Variants in DHX32 observed in about 807,000 individuals in gnomAD.
DHX32 encodes putative pre-mRNA-splicing factor ATP-dependent RNA helicase DHX32.
In DHX32, 51 loss-of-function variants were observed where a neutral mutation model predicts 70.0. The ratio of observed to expected loss-of-function variants is 0.73; its 90% CI spans 0.58 to 0.92. DHX32 has a LOEUF of 0.92. Among genes scored for constraint, DHX32 ranks in the 40% least tolerant of loss-of-function variants. The pLI is 0.00. For missense variants in DHX32, 762 were observed against 891.8 expected, an observed-to-expected ratio of 0.85 and a Z score of 1.85; for synonymous variants, 310 against 315.3, an observed-to-expected ratio of 0.98 and a Z score of 0.18.
chr10:125,847,936 C>T (rs1239726822), intron 6 of DHX32, among the ~76,000 whole-genome samples: 8 of 152,172 alleles, frequency 5.3e-5, no homozygotes, highest in African/African-American at 1.9e-4. Flanking sequence ...TCGCTTGCCC[C>T]CCACTCACCT....
At chr10:125,859,021 G>GTT (rs574242863) in intron 3 of DHX32, among the ~76,000 whole-genome samples, 28 of 139,600 alleles carry the variant, frequency 2.0e-4, no homozygotes, top group African/African-American at 7.5e-4. Flanking sequence ...TGAGTTAAAG[G>GTT]TTTTTTTTTT....
chr10:125,872,777 G>T (rs1215930101), intron 1 of DHX32, among the ~76,000 whole-genome samples: 1 of 152,178 alleles, frequency 6.6e-6, no homozygotes, highest in Non-Finnish European at 1.5e-5. Context: ...GGCATGCAAG[G>T]TAAGCAATCG....
chr10:125,840,963 G>C lies in DHX32; in HGVS notation c.1577C>G (p.Ala526Gly), dbSNP rs772734640. 3 of 1,609,630 alleles carry C rather than the reference G, an allele frequency of 1.9e-6. No homozygotes were observed. Among genetic ancestry groups the C allele is most frequent in the East Asian group, 4.5e-5 (2 of 44,718 alleles). The change falls in exon 8 of 11, where the codon GCT (alanine) becomes GGT (glycine). Residue 526 changes from alanine (A) to glycine (G), a missense_variant. Ala to Gly is a moderately conservative substitution (Grantham distance 60). Coordinates refer to ENST00000284690, the MANE Select transcript of DHX32 (RefSeq NM_018180.3). ...CCAACAAGTCAAGGCAGCCTCTTCAGCTCCATGTGGCACATGTGAAAAGCA... is the reference window on the plus strand; with the variant it reads ...CCAACAAGTCAAGGCAGCCTCTTCACCTCCATGTGGCACATGTGAAAAGCA... ...PNCFSHVPHG[A>G]EEAALTCWKT...
chr10:125,841,973 T>C (rs1854894164), intron 6 of DHX32, 39 bp from the exon 7 acceptor site: 2 of 1,517,666 alleles, frequency 1.3e-6, no homozygotes, highest in South Asian at 2.7e-5. Context: ...GAGTCTCATA[T>C]GGCTAAGATG....
chr10:125,849,149 C>T (rs1420513788), intron 6 of DHX32, among the ~76,000 whole-genome samples: 1 of 152,206 alleles, frequency 6.6e-6, no homozygotes, highest in Non-Finnish European at 1.5e-5. Context: ...TGTCTGAATT[C>T]ATCGCAAAAT....
chr10:125,892,948 C>G (rs139528939), intron 1 of DHX32, among the ~76,000 whole-genome samples: 2 of 152,064 alleles, frequency 1.3e-5, no homozygotes, highest in East Asian at 3.9e-4. Context: ...CTATTATTAC[C>G]CTACTTAAAT....
chr10:125,849,145 A>T (rs1160574810), intron 6 of DHX32, among the ~76,000 whole-genome samples: 1 of 152,220 alleles, frequency 6.6e-6, no homozygotes, highest in Non-Finnish European at 1.5e-5. Flanking sequence ...AGTTTGTCTG[A>T]ATTCATCGCA....
intron 3 of DHX32, among the ~76,000 whole-genome samples, chr10:125,857,333 C>A (rs2134050948): frequency 6.6e-6 from 1 of 152,306 alleles, no homozygotes; most frequent in South Asian, 2.1e-4. Context: ...ACCTGGTGCC[C>A]AGGTAAAGTC....
chr10:125,838,933 T>C lies in DHX32; in HGVS notation c.1881+68A>G, dbSNP rs889426999. ...TCAAAATCATCATCCTAAGCCATTG[T>C]TGGCAGCATATCCTGAGTATGTGCA... On this transcript the variant is annotated intron_variant, in intron 9 of 10. Transcript: ENST00000284690. The C allele has an allele frequency of 2.4e-5, 35 of 1,470,104 alleles. No homozygotes were observed. In the African/African-American group the frequency reaches 4.4e-4, roughly 18 times the overall value. 91.1% of individuals were successfully genotyped at this position (1,470,104 alleles called of 1,614,324 possible).
chr10:125,869,559 G>C (rs1451347742), intron 1 of DHX32: 1 of 151,348 alleles, frequency 6.6e-6, no homozygotes, highest in Non-Finnish European at 1.5e-5. Context: ...CTGGGCGACA[G>C]AGTGAGACTC....
At chr10:125,887,707 C>T (rs144962656) in intron 1 of DHX32, among the ~76,000 whole-genome samples, 2,489 of 152,148 alleles carry the variant, frequency 0.016, 32 homozygotes, top group South Asian at 0.033. Flanking sequence ...CTCCTGGGCT[C>T]AAGTGATCCT....
rs916289244 is a variant in DHX32, at chr10:125,859,705, A to G, written c.747T>C (p.Ser249=). Residue 249 remains serine (S), a synonymous_variant, in exon 3 of 11, where the codon AGT becomes AGC. Coordinates refer to ENST00000284690, the MANE Select transcript of DHX32 (RefSeq NM_018180.3). ...NKHPVEVVYL[S]EAQKDSFESI... Reference sequence around the variant, plus strand: ...ACTCAAAAGAATCCTTTTGAGCCTCACTAAGGTACACAACCTCCACAGGGT... The same window carrying G: ...ACTCAAAAGAATCCTTTTGAGCCTCGCTAAGGTACACAACCTCCACAGGGT... 9 of 1,614,002 alleles carry G rather than the reference A, an allele frequency of 5.6e-6. No homozygotes were observed. The highest frequency in any genetic ancestry group is 7.6e-6 in the Non-Finnish European group (9 of 1,180,012).
At position 125,836,854 on chromosome 10, in the gene DHX32, AT is replaced by A; in HGVS notation, c.2064del (p.Phe689LeufsTer25). Reference protein sequence around the residue: ...IRITSEISPELFMQLVPQYYF... With the variant: ...IRITSEISPEXFMQLVPQYYF... ...TAGTATTGTGGTACCAGCTGCATAA[AT>A]CTGTTTATTTAAGACAAAAAGATGA... On this transcript the variant is annotated frameshift_variant and splice_region_variant, in exon 11 of 11. Transcript: ENST00000284690. LOFTEE classifies it high-confidence loss of function. 6.2e-7 allele frequency: 1 copy of A among 1,613,896 alleles called. No homozygotes were observed. The highest frequency in any genetic ancestry group is 8.5e-7 in the Non-Finnish European group (1 of 1,179,862).
At chr10:125,875,383 C>G (rs1290958869) in intron 1 of DHX32, among the ~76,000 whole-genome samples, 1 of 152,122 alleles carries the variant, frequency 6.6e-6, no homozygotes, top group African/African-American at 2.4e-5. Flanking sequence ...GAACATCTTA[C>G]TGAGCCAGAA....
chr10:125,870,948 G>A (rs1003299516), intron 1 of DHX32, among the ~76,000 whole-genome samples: 8 of 152,198 alleles, frequency 5.3e-5, no homozygotes, highest in African/African-American at 1.7e-4. Flanking sequence ...AGCTAGAATC[G>A]TTGCTGAAAT....
At chr10:125,885,212 G>C (rs542965304), upstream of DHX32, among the ~76,000 whole-genome samples, 4 of 152,192 alleles carry the variant, frequency 2.6e-5, no homozygotes, top group South Asian at 6.2e-4. Flanking sequence ...AGTTACCCTT[G>C]ATTTTTCTCT....
chr10:125,873,235 G>A (rs1379869960), intron 1 of DHX32, among the ~76,000 whole-genome samples: 1 of 151,998 alleles, frequency 6.6e-6, no homozygotes, highest in African/African-American at 2.4e-5. Context: ...TCCATCTACT[G>A]CCAGTGATTG....
chr10:125,880,620 A>G lies in DHX32; in HGVS notation c.205T>C (p.Tyr69His), dbSNP rs1266944446. The G allele has an allele frequency of 1.2e-6, 2 of 1,613,982 alleles. No homozygotes were observed. The highest frequency in any genetic ancestry group is 8.5e-7 in the Non-Finnish European group (1 of 1,180,008). Residue 69 changes from tyrosine (Y) to histidine (H), a missense_variant, in exon 1 of 11, where the codon TAC (tyrosine) becomes CAC (histidine). Transcript: ENST00000284690. Reference protein sequence around the residue: ...REDLPIWKEKYSFMENLLQNQ... With the variant: ...REDLPIWKEKHSFMENLLQNQ... ...TGAAGCAGGTTCTCCATAAAGGAGT[A>G]TTTTTCTTTCCATATAGGAAGATCT...
intron 1 of DHX32, among the ~76,000 whole-genome samples, chr10:125,876,916 A>G (rs1253518809): frequency 6.6e-6 from 1 of 152,218 alleles, no homozygotes; most frequent in African/African-American, 2.4e-5. Context: ...CCAGATTTTG[A>G]TAATTATGTT....
Sources: allele counts gnomAD v4.1 joint callset (sites outside exome capture counted in the v4.1 genomes callset), GRCh38; gene constraint gnomAD v4.1.1; transcripts MANE v1.5; gene names NCBI Gene and HGNC (gene_info 2026-07-23, HGNC 2026-07-21).